The following SLCO3A1 variants were observed in gnomAD, a reference collection of about 807,000 sequenced individuals.
The protein encoded by SLCO3A1 is PGE1 transporter.
Under a neutral mutation model 63.1 loss-of-function variants are expected in SLCO3A1, and 27 were observed. The observed-to-expected ratio is 0.43, with a 90% confidence interval of 0.32 to 0.59. The LOEUF (loss-of-function observed/expected upper bound fraction) is 0.59, where lower values mean the gene tolerates loss of function less well. Ranked by LOEUF, SLCO3A1 falls within the 20% of genes least tolerant of loss-of-function variation. The pLI, the probability that SLCO3A1 is intolerant of heterozygous loss-of-function variation, is 0.09. For missense variants in SLCO3A1, 773 were observed against 945.8 expected, an observed-to-expected ratio of 0.82 and a Z score of 2.40; for synonymous variants, 473 against 409.9, an observed-to-expected ratio of 1.15 and a Z score of -1.86.
intron 4 of SLCO3A1, among the ~76,000 whole-genome samples, chr15:92,105,918 C>T (rs928541447): frequency 6.6e-6 from 1 of 152,054 alleles, no homozygotes; most frequent in African/African-American, 2.4e-5. Flanking sequence ...TGTGCGCCTT[C>T]TATAGAGATG....
At chr15:91,922,196 G>GCATACACACA (rs1898871970) in intron 2 of SLCO3A1, among the ~76,000 whole-genome samples, 1 of 151,322 alleles carries the variant, frequency 6.6e-6, no homozygotes, top group Non-Finnish European at 1.5e-5. Context: ...GCGCGTGCAC[G>GCATACACACA]CACACACACA....
At position 91,984,241 on chromosome 15, in the gene SLCO3A1, T is replaced by C. The variant is rs551069729; in HGVS notation, c.646+67783T>C. Among the ~76,000 whole-genome samples the C allele has an allele frequency of 4.6e-5, 7 of 152,282 alleles. No homozygotes were observed. In the East Asian group the frequency reaches 1.3e-3, roughly 29 times the overall value. On this transcript the variant is annotated intron_variant, in intron 2 of 9. Coordinates refer to ENST00000318445, the MANE Select transcript of SLCO3A1 (RefSeq NM_013272.4). ...TGGGAACTCAGTGCGATGACATAAATCCTCTTTCCAGACTATTACTCAAGG... is the reference window on the plus strand; with the variant it reads ...TGGGAACTCAGTGCGATGACATAAACCCTCTTTCCAGACTATTACTCAAGG...
At chr15:92,153,758 G>C (rs1302337518) in intron 9 of SLCO3A1, 1 of 152,352 alleles carries the variant, frequency 6.6e-6, no homozygotes, top group Non-Finnish European at 1.5e-5. Context: ...AGGAGTAAGA[G>C]TCATACAGAT....
At chr15:92,050,078 G>C (rs2151496208) in intron 2 of SLCO3A1, among the ~76,000 whole-genome samples, 1 of 152,324 alleles carries the variant, frequency 6.6e-6, no homozygotes, top group East Asian at 1.9e-4. Flanking sequence ...GTGACCAATA[G>C]TCAATGCTCC....
chr15:92,046,383 G>A (rs2046863612), intron 2 of SLCO3A1, among the ~76,000 whole-genome samples: 1 of 151,790 alleles, frequency 6.6e-6, no homozygotes, highest in Admixed American at 6.6e-5. Flanking sequence ...AAAAATACCT[G>A]GGCGATGTGG....
chr15:91,904,391 C>T (rs553145177), intron 1 of SLCO3A1, among the ~76,000 whole-genome samples: 8 of 152,164 alleles, frequency 5.3e-5, no homozygotes, highest in Middle Eastern at 3.4e-3. Context: ...TTAAACTGGG[C>T]GTCAGGTGTG....
In SLCO3A1 at chr15:92,087,519, T is replaced by A. The variant is rs866288237; in HGVS notation, c.647-7362T>A. Among the ~76,000 whole-genome samples, 426 of 142,856 alleles carry A rather than the reference T, an allele frequency of 3.0e-3. 3 individuals carry two copies. The highest frequency in any genetic ancestry group is 3.7e-3 in the Non-Finnish European group (238 of 64,882). 93.7% of individuals were successfully genotyped at this position (142,856 alleles called of 152,430 possible). On this transcript the variant is annotated intron_variant, in intron 2 of 9. Transcript: ENST00000318445. ...CCTAGTACTTTTATTATCTATTATT[T>A]TTTTTTTTTTTTTTTTGAGCTGGAG...
intron 2 of SLCO3A1, among the ~76,000 whole-genome samples, chr15:92,086,522 A>G (rs1313212142): frequency 6.6e-6 from 1 of 151,990 alleles, no homozygotes; most frequent in Admixed American, 6.6e-5. Flanking sequence ...TGATTCTTAC[A>G]TGTATTATAA....
intron 3 of SLCO3A1, among the ~76,000 whole-genome samples, chr15:92,100,065 CA>C (rs11336185): frequency 0.71 from 101,990 of 142,770 alleles, 35,996 homozygotes; most frequent in Admixed American, 0.81. Flanking sequence ...AACTCCATCT[CA>C]AAAAAAAAAA....
Position 91,981,607 on chromosome 15 carries a change from A to G in SLCO3A1, c.646+65149A>G, listed in dbSNP as rs563689683. Among the ~76,000 whole-genome samples, 5 of 152,284 alleles carry G rather than the reference A, an allele frequency of 3.3e-5. 1 individual carries two copies. Among genetic ancestry groups the G allele is most frequent in the Middle Eastern group, 3.4e-3 (1 of 294 alleles). On this transcript the variant is annotated intron_variant, in intron 2 of 9. Transcript: ENST00000318445. ...TGATCGTAACATTTATCATCTAAAC[A>G]AGGATTTTTTCGGAAAAAATTTCAC...
At chr15:92,117,647 T>C (rs1450119176) in intron 4 of SLCO3A1, among the ~76,000 whole-genome samples, 1 of 152,214 alleles carries the variant, frequency 6.6e-6, no homozygotes, top group Non-Finnish European at 1.5e-5. Flanking sequence ...TCTTACTACA[T>C]TGTGAAACTT....
chr15:91,969,980 A>G (rs1179525387), intron 2 of SLCO3A1, among the ~76,000 whole-genome samples: 1 of 152,182 alleles, frequency 6.6e-6, no homozygotes, highest in Non-Finnish European at 1.5e-5. Flanking sequence ...CTCCAGCATA[A>G]CATTTGCCAT....
chr15:92,127,569 T>C (rs2047940641), intron 6 of SLCO3A1, among the ~76,000 whole-genome samples: 1 of 152,292 alleles, frequency 6.6e-6, no homozygotes, highest in Admixed American at 6.5e-5. Flanking sequence ...TCACCTTTAT[T>C]ATTATGAAGT....
chr15:92,012,895 T>G (rs2046384611), intron 2 of SLCO3A1, among the ~76,000 whole-genome samples: 1 of 152,220 alleles, frequency 6.6e-6, no homozygotes, highest in Non-Finnish European at 1.5e-5. Flanking sequence ...AGAGAAGTAC[T>G]TCATGAAAAA....
chr15:92,085,375 C>G (rs1005603032), intron 2 of SLCO3A1, among the ~76,000 whole-genome samples: 3 of 152,206 alleles, frequency 2.0e-5, no homozygotes, highest in African/African-American at 7.2e-5. Flanking sequence ...CGTGAGCTAA[C>G]TGGGGACCCA....
intron 2 of SLCO3A1, among the ~76,000 whole-genome samples, chr15:92,034,530 T>C (rs2046699164): frequency 6.6e-6 from 1 of 151,586 alleles, no homozygotes; most frequent in South Asian, 2.1e-4. Flanking sequence ...AAAGGGAGCC[T>C]GCAGCAACTC....
intron 2 of SLCO3A1, among the ~76,000 whole-genome samples, chr15:91,945,647 C>T: frequency 6.6e-6 from 1 of 152,224 alleles, no homozygotes. Flanking sequence ...GTGGCCACAG[C>T]TGGCCCCACA....
intron 1 of SLCO3A1, among the ~76,000 whole-genome samples, chr15:91,874,374 T>A (rs967633809): frequency 2.0e-5 from 3 of 152,154 alleles, no homozygotes; most frequent in Non-Finnish European, 4.4e-5. Flanking sequence ...GAACTCTTCT[T>A]CCCAGAGGGA....
At chr15:92,152,967 G>A (rs2048326593) in intron 9 of SLCO3A1, among the ~76,000 whole-genome samples, 1 of 152,132 alleles carries the variant, frequency 6.6e-6, no homozygotes, top group Non-Finnish European at 1.5e-5. Flanking sequence ...AGCACAAGAT[G>A]AAAAACAATT....
Sources: gnomAD v4.1 joint callset for allele counts (sites outside exome capture counted in the v4.1 genomes callset) on GRCh38, gnomAD v4.1.1 for gene constraint, MANE v1.5 for transcripts, NCBI Gene and HGNC (gene_info 2026-07-23, HGNC 2026-07-21) for gene names.